STAG1: variants seen among roughly 807,000 people sequenced by gnomAD.
STAG1 encodes cohesin subunit SA-1.
STAG1 carries 26 observed loss-of-function variants against 170.9 expected under a neutral mutation model. That is an observed-to-expected ratio of 0.15 (90% CI 0.11 to 0.21). The LOEUF (loss-of-function observed/expected upper bound fraction) is 0.21, where lower values mean the gene tolerates loss of function less well. STAG1 is among the 10% of genes least tolerant of loss of function. STAG1 has a pLI of 1.00. For missense variants in STAG1, 964 were observed against 1,509.5 expected, an observed-to-expected ratio of 0.64 and a Z score of 5.99; for synonymous variants, 514 against 497.7, an observed-to-expected ratio of 1.03 and a Z score of -0.44.
At chr3:136,467,887 A>C (rs1403740072) in intron 12 of STAG1, among the ~76,000 whole-genome samples, 2 of 152,328 alleles carry the variant, frequency 1.3e-5, no homozygotes, top group East Asian at 1.9e-4. Flanking sequence ...ACGGAAACTA[A>C]ACAACCTGCT....
chr3:136,587,212 C>A (rs1374754520), intron 4 of STAG1, among the ~76,000 whole-genome samples: 1 of 151,624 alleles, frequency 6.6e-6, no homozygotes, highest in Non-Finnish European at 1.5e-5. Context: ...ATTAATCTAT[C>A]ATCTGAGGAT....
chr3:136,639,185 G>GAAAAAAAAA (rs10681540), intron 1 of STAG1, among the ~76,000 whole-genome samples: 2 of 115,618 alleles, frequency 1.7e-5, no homozygotes, highest in Admixed American at 9.6e-5. Context: ...AAAGAAAAAA[G>GAAAAAAAAA]AAAAGAAAAA....
At chr3:136,520,090 A>G (rs1225231090) in intron 7 of STAG1, among the ~76,000 whole-genome samples, 1 of 152,158 alleles carries the variant, frequency 6.6e-6, no homozygotes, top group East Asian at 1.9e-4. Flanking sequence ...AAGAATGTAA[A>G]AACATATACA....
At chr3:136,545,846 CACTTTAT>C (rs1428785103) in intron 5 of STAG1, among the ~76,000 whole-genome samples, 29 of 152,244 alleles carry the variant, frequency 1.9e-4, no homozygotes, top group African/African-American at 7.0e-4. Context: ...TGGCAGCCTT[CACTTTAT>C]AACAGTCCTT....
At chr3:136,511,452 A>G (rs1934060044) in intron 7 of STAG1, among the ~76,000 whole-genome samples, 3 of 152,258 alleles carry the variant, frequency 2.0e-5, no homozygotes, top group African/African-American at 7.2e-5. Flanking sequence ...TACACCATGG[A>G]AGGCTTTGCA....
chr3:136,681,355 TCA>T (rs1316782445), intron 1 of STAG1, among the ~76,000 whole-genome samples: 2 of 152,188 alleles, frequency 1.3e-5, no homozygotes, highest in Non-Finnish European at 2.9e-5. Flanking sequence ...ACTGTATTAA[TCA>T]CAAATATTTA....
intron 6 of STAG1, among the ~76,000 whole-genome samples, chr3:136,522,691 G>C (rs1209996423): frequency 2.0e-5 from 3 of 151,812 alleles, no homozygotes; most frequent in Non-Finnish European, 4.4e-5. Flanking sequence ...TTTACATGAG[G>C]TATATCTCCT....
At chr3:136,524,568 C>CTT (rs1934889711) in intron 6 of STAG1, among the ~76,000 whole-genome samples, 1 of 152,170 alleles carries the variant, frequency 6.6e-6, no homozygotes, top group Admixed American at 6.5e-5. Context: ...TCCTCTTCTC[C>CTT]TAATTGAATA....
At chr3:136,529,177 A>G (rs9869630) in intron 6 of STAG1, among the ~76,000 whole-genome samples, 4 of 151,986 alleles carry the variant, frequency 2.6e-5, no homozygotes, top group African/African-American at 9.7e-5. Flanking sequence ...CAGAGCACCC[A>G]AATGTTCAAT....
chr3:136,631,978 C>T (rs1287696848), intron 1 of STAG1, among the ~76,000 whole-genome samples: 4 of 151,914 alleles, frequency 2.6e-5, no homozygotes, highest in African/African-American at 9.7e-5. Flanking sequence ...CTGCTAAAAA[C>T]CACAGTTAAA....
Position 136,422,763 on chromosome 3 carries a change from A to G in STAG1, c.1833+5T>C, listed in dbSNP as rs2087996945. Reference sequence around the variant, plus strand: ...AGCTGAATTTCAATTTCATAATATCATTACCTTTTCCATTCTACCTGTGCT... The same window carrying G: ...AGCTGAATTTCAATTTCATAATATCGTTACCTTTTCCATTCTACCTGTGCT... On this transcript the variant is annotated splice_donor_5th_base_variant and intron_variant, in intron 18 of 33. Coordinates refer to ENST00000383202, the MANE Select transcript of STAG1 (RefSeq NM_005862.3). The G allele has an allele frequency of 6.3e-7, 1 of 1,587,464 alleles. No individual in the cohort carries two copies. The highest frequency in any genetic ancestry group is 8.6e-7 in the Non-Finnish European group (1 of 1,169,446).
chr3:136,433,862 G>A (rs567596389), intron 15 of STAG1, among the ~76,000 whole-genome samples: 1 of 151,920 alleles, frequency 6.6e-6, no homozygotes, highest in African/African-American at 2.4e-5. Flanking sequence ...GAGATACAAA[G>A]TAAAGAATAA....
chr3:136,752,272 G>C lies in STAG1; in HGVS notation c.-161C>G, dbSNP rs1170660495. On this transcript the variant is annotated 5_prime_UTR_variant, in exon 1 of 34. Coordinates refer to ENST00000383202, the MANE Select transcript of STAG1 (RefSeq NM_005862.3). ...GTCTCCGGTGTGTTATTCCCGATGT[G>C]GGGGGGTTGTTACGGGGTGGTCGCC... 2 of 152,752 alleles carry C rather than the reference G, an allele frequency of 1.3e-5. No homozygotes were observed. Among genetic ancestry groups the C allele is most frequent in the African/African-American group, 2.4e-5 (1 of 41,450 alleles). The allele number at this position is 152,752 out of a possible 1,614,324, so 9.5% of individuals were successfully genotyped here.
intron 15 of STAG1, among the ~76,000 whole-genome samples, chr3:136,437,882 T>C (rs2088504417): frequency 6.6e-6 from 1 of 152,228 alleles, no homozygotes; most frequent in Non-Finnish European, 1.5e-5. Context: ...TTTATATTTT[T>C]ACCATCATTC....
intron 13 of STAG1, among the ~76,000 whole-genome samples, chr3:136,453,724 G>A (rs1040115934): frequency 6.6e-6 from 1 of 151,010 alleles, no homozygotes; most frequent in African/African-American, 2.4e-5. Context: ...CGGTAGATAA[G>A]TATATACTGT....
At chr3:136,398,378 A>G (rs1361816037) in intron 22 of STAG1, among the ~76,000 whole-genome samples, 1 of 152,156 alleles carries the variant, frequency 6.6e-6, no homozygotes, top group African/African-American at 2.4e-5. Flanking sequence ...TCGGCCTCCC[A>G]AAGTGCTGGG....
intron 22 of STAG1, among the ~76,000 whole-genome samples, chr3:136,391,991 G>C (rs2108328981): frequency 6.6e-6 from 1 of 152,158 alleles, no homozygotes; most frequent in South Asian, 2.1e-4. Context: ...GTTTACTGTT[G>C]AGTTAAATTA....
intron 1 of STAG1, among the ~76,000 whole-genome samples, chr3:136,669,799 T>C (rs1285472015): frequency 6.6e-6 from 1 of 152,246 alleles, no homozygotes; most frequent in African/African-American, 2.4e-5. Context: ...GCTATATTGC[T>C]GCAGAAAATA....
At chr3:136,367,949 C>G (rs930662363) in intron 24 of STAG1, among the ~76,000 whole-genome samples, 1 of 152,174 alleles carries the variant, frequency 6.6e-6, no homozygotes. Context: ...TGTACTGACC[C>G]TCCCGTGTCC....
Sources: gnomAD v4.1 joint callset for allele counts (sites outside exome capture counted in the v4.1 genomes callset) on GRCh38, gnomAD v4.1.1 for gene constraint, MANE v1.5 for transcripts, NCBI Gene and HGNC (gene_info 2026-07-23, HGNC 2026-07-21) for gene names.